DROSHA: variants seen among roughly 807,000 people sequenced by gnomAD.
DROSHA encodes the protein drosha ribonuclease III.
A neutral mutation model predicts 181.9 loss-of-function variants in DROSHA; 56 were observed. The ratio of observed to expected loss-of-function variants is 0.31; its 90% CI spans 0.25 to 0.38. DROSHA has a LOEUF of 0.38. Ranked by LOEUF, DROSHA falls within the 10% of genes least tolerant of loss-of-function variation. The pLI is 1.00. For synonymous variants in DROSHA, 524 were observed against 591.2 expected, an observed-to-expected ratio of 0.89 and a Z score of 1.65; for missense variants, 1,218 against 1,743.5, an observed-to-expected ratio of 0.70 and a Z score of 5.37.
chr5:31,406,967 A>C, intron 33 of DROSHA, 22 bp from the exon 34 acceptor site: 1 of 1,603,032 alleles, frequency 6.2e-7, no homozygotes, highest in Non-Finnish European at 8.5e-7. Context: ...AGGAAAGAAC[A>C]TTTATTATGG....
chr5:31,418,048 T>C (rs940693661), intron 30 of DROSHA, among the ~76,000 whole-genome samples: 1 of 152,126 alleles, frequency 6.6e-6, no homozygotes, highest in Non-Finnish European at 1.5e-5. Context: ...TTAGGATACA[T>C]CCAGGAGACA....
At chr5:31,453,887 T>C (rs1417846770) in intron 20 of DROSHA, among the ~76,000 whole-genome samples, 1 of 150,660 alleles carries the variant, frequency 6.6e-6, no homozygotes, top group Non-Finnish European at 1.5e-5. Context: ...AATACAATCA[T>C]CTTTATGTCT....
At chr5:31,461,994 T>G (rs998815304) in intron 20 of DROSHA, among the ~76,000 whole-genome samples, 4 of 152,154 alleles carry the variant, frequency 2.6e-5, no homozygotes, top group African/African-American at 9.7e-5. Flanking sequence ...CAGGATAATT[T>G]GATTTTGGTG....
chr5:31,407,907 C>T (rs3792831), intron 33 of DROSHA, among the ~76,000 whole-genome samples: 35,037 of 151,978 alleles, frequency 0.23, 4,329 homozygotes, highest in East Asian at 0.46. Context: ...TCATAGAATA[C>T]AGTTTGGATA....
chr5:31,513,282 A>G (rs139710108), intron 8 of DROSHA, among the ~76,000 whole-genome samples: 2 of 152,268 alleles, frequency 1.3e-5, no homozygotes, highest in Admixed American at 6.5e-5. Flanking sequence ...GATGCTCAGG[A>G]AGACAGCAGG....
At chr5:31,413,667 G>A (rs889257762) in intron 30 of DROSHA, among the ~76,000 whole-genome samples, 2 of 152,148 alleles carry the variant, frequency 1.3e-5, no homozygotes, top group Non-Finnish European at 1.5e-5. Context: ...CAGAAGCCAC[G>A]TGCAGACCGG....
chr5:31,509,858 T>C (rs1738464980), intron 9 of DROSHA, among the ~76,000 whole-genome samples: 1 of 152,084 alleles, frequency 6.6e-6, no homozygotes, highest in Admixed American at 6.5e-5. Context: ...GAAAGTAGCA[T>C]AGTAGTAATA....
At chr5:31,479,162 ATTG>A (rs1426261976) in intron 16 of DROSHA, among the ~76,000 whole-genome samples, 1 of 152,210 alleles carries the variant, frequency 6.6e-6, no homozygotes, top group Admixed American at 6.5e-5. Flanking sequence ...TGTGTAACAT[ATTG>A]TTATTCCACT....
At chr5:31,416,331 G>A (rs1373845228) in intron 30 of DROSHA, among the ~76,000 whole-genome samples, 2 of 152,158 alleles carry the variant, frequency 1.3e-5, no homozygotes, top group Admixed American at 1.3e-4. Flanking sequence ...CAGTGCCACT[G>A]CCTCTTCCCT....
Position 31,483,541 on chromosome 5 carries a change from C to T in DROSHA, c.2071+13G>A. ...ACTATCTCACCAGGTCACTGACAAGCCAGAAGATTTACCTGGAAGAAATCT... is the reference window on the plus strand; with the variant it reads ...ACTATCTCACCAGGTCACTGACAAGTCAGAAGATTTACCTGGAAGAAATCT... On this transcript the variant is annotated intron_variant, in intron 16 of 35. Transcript: ENST00000344624. 2 of 1,612,228 alleles carry T rather than the reference C, an allele frequency of 1.2e-6. No homozygotes were observed. The highest frequency in any genetic ancestry group is 2.7e-5 in the African/African-American group (2 of 74,680).
At chr5:31,471,880 C>T (rs913013808) in intron 17 of DROSHA, among the ~76,000 whole-genome samples, 183 bp downstream of exon 17, 11 of 152,034 alleles carry the variant, frequency 7.2e-5, no homozygotes, top group Admixed American at 3.9e-4. Context: ...GGTGAATTTA[C>T]GACCAAATAT....
At position 31,437,235 on chromosome 5, in the gene DROSHA, T is replaced by A. The variant is rs1443777072; in HGVS notation, c.2942+4A>T. 6.4e-7 allele frequency: 1 copy of A among 1,569,180 alleles called. No homozygotes were observed. Among genetic ancestry groups the A allele is most frequent in the Admixed American group, 1.9e-5 (1 of 53,838 alleles). Reference sequence around the variant, plus strand: ...AATTGTAAAAAACAAAAAAGCCTAATTACCTGGTCAGAAATTCAACAACAG... The same window carrying A: ...AATTGTAAAAAACAAAAAAGCCTAAATACCTGGTCAGAAATTCAACAACAG... On this transcript the variant is annotated splice_donor_region_variant and intron_variant, in intron 24 of 35. Transcript: ENST00000344624.
Position 31,422,923 on chromosome 5 carries a change from G to A in DROSHA, c.3283C>T (p.Arg1095Ter), listed in dbSNP as rs1742938631. The A allele has an allele frequency of 3.7e-6, 6 of 1,607,216 alleles. No individual in the cohort carries two copies. Among genetic ancestry groups the A allele is most frequent in the East Asian group, 2.2e-5 (1 of 44,732 alleles). ...PLQLQEPNTDRQLIETSPVLQ... is the reference protein window; with the variant it reads ...PLQLQEPNTD ...ACTGGAGAAGTTTCAATAAGTTGTCGATCAGTATTTGGCTCTTGTAGCTAC... is the reference window on the plus strand; with the variant it reads ...ACTGGAGAAGTTTCAATAAGTTGTCAATCAGTATTTGGCTCTTGTAGCTAC... Residue 1095 changes from arginine to a stop codon, truncating the protein, a stop_gained, in exon 29 of 36, where the codon CGA becomes TGA. Transcript: ENST00000344624. LOFTEE classifies it high-confidence loss of function.
intron 20 of DROSHA, among the ~76,000 whole-genome samples, chr5:31,454,618 G>A (rs574452217): frequency 7.2e-5 from 11 of 152,156 alleles, no homozygotes; most frequent in African/African-American, 2.2e-4. Context: ...CTAAGAAGAG[G>A]AGTAGAATAA....
chr5:31,490,079 T>C (rs913604274), intron 13 of DROSHA, among the ~76,000 whole-genome samples: 2 of 151,994 alleles, frequency 1.3e-5, no homozygotes, highest in African/African-American at 4.8e-5. Flanking sequence ...TTTCACTATA[T>C]TGGCCAGGCT....
At chr5:31,505,675 A>T (rs950758350) in intron 10 of DROSHA, 9 of 152,214 alleles carry the variant, frequency 5.9e-5, no homozygotes, top group Non-Finnish European at 1.2e-4. Context: ...GTAATAATTT[A>T]AAAATATAGG....
intron 9 of DROSHA, among the ~76,000 whole-genome samples, chr5:31,509,652 C>T (rs547625799): frequency 1.3e-4 from 20 of 152,158 alleles, no homozygotes; most frequent in Non-Finnish European, 2.6e-4. Flanking sequence ...AATGCCACAG[C>T]GAAGGCTGGG....
intron 35 of DROSHA, among the ~76,000 whole-genome samples, chr5:31,403,438 T>C (rs1178174816): frequency 2.0e-5 from 3 of 152,022 alleles, no homozygotes; most frequent in Non-Finnish European, 4.4e-5. Context: ...CACACACACA[T>C]ACACCTAGAC....
intron 12 of DROSHA, among the ~76,000 whole-genome samples, chr5:31,494,220 G>A (rs949684031): frequency 6.6e-6 from 1 of 151,882 alleles, no homozygotes; most frequent in Non-Finnish European, 1.5e-5. Context: ...CACTCGCCTC[G>A]GCCTCCCAAA....
Sources: allele counts gnomAD v4.1 joint callset (sites outside exome capture counted in the v4.1 genomes callset), GRCh38; gene constraint gnomAD v4.1.1; transcripts MANE v1.5; gene names NCBI Gene and HGNC (gene_info 2026-07-23, HGNC 2026-07-21).